Variants in SLC24A4 observed in about 807,000 individuals in gnomAD.
SLC24A4 encodes the protein sodium/potassium/calcium exchanger 4.
A neutral mutation model predicts 79.0 loss-of-function variants in SLC24A4; 53 were observed. The observed-to-expected ratio is 0.67, with a 90% CI of 0.54 to 0.84. The LOEUF is 0.84. Ranked by LOEUF, SLC24A4 falls within the 40% of genes least tolerant of loss-of-function variation. SLC24A4 has a pLI of 0.00. For missense variants in SLC24A4, 731 were observed against 822.0 expected (o/e 0.89, Z 1.35); for synonymous variants, 323 against 323.8 (o/e 1.00, Z 0.03).
rs371005554 is a variant in SLC24A4 at position 92,482,739 on chromosome 14, G to A, written c.1315G>A (p.Val439Ile). Residue 439 changes from valine to isoleucine, a missense_variant, in exon 13 of 17, where the codon GTC (valine) becomes ATC (isoleucine). Val to Ile is a conservative substitution (Grantham distance 29, BLOSUM62 3). Coordinates refer to ENST00000532405, the MANE Select transcript of SLC24A4 (RefSeq NM_153646.4). ...CTGGCCCCTCATCTTCCTCCTGTGC[G>A]TCACCATTCCCAACTGCAGCAAGCC... ...FTWPLIFLLC[V>I]TIPNCSKPRW... The A allele has an allele frequency of 4.2e-5, 68 of 1,614,084 alleles. No individual in the cohort carries two copies. The highest frequency in any genetic ancestry group is 5.5e-5 in the South Asian group (5 of 91,072).
At chr14:92,474,825 A>G (rs1390345166) in intron 12 of SLC24A4, among the ~76,000 whole-genome samples, 789 of 31,724 alleles carry the variant, frequency 0.025, 53 homozygotes, top group Admixed American at 0.16. Flanking sequence ...ATATATACAT[A>G]TATATGTGTG....
intron 2 of SLC24A4, among the ~76,000 whole-genome samples, chr14:92,366,384 C>G (rs900499093): frequency 6.6e-6 from 1 of 152,210 alleles, no homozygotes; most frequent in Non-Finnish European, 1.5e-5. Flanking sequence ...TTGGGATAAA[C>G]AGCTCTGGTC....
intron 2 of SLC24A4, among the ~76,000 whole-genome samples, chr14:92,364,162 T>C (rs1408421500): frequency 1.3e-5 from 2 of 152,270 alleles, no homozygotes; most frequent in African/African-American, 4.8e-5. Context: ...TTATCATTAT[T>C]AGTGTGTTGT....
chr14:92,342,909 T>C (rs895778280), intron 2 of SLC24A4, among the ~76,000 whole-genome samples: 2 of 152,212 alleles, frequency 1.3e-5, no homozygotes, highest in Admixed American at 1.3e-4. Flanking sequence ...GAGTGGGCCA[T>C]GAACAAGGGT....
At chr14:92,492,341 T>C (rs1895729107) in intron 16 of SLC24A4, 101 bp downstream of exon 16, 1 of 1,138,510 alleles carries the variant, frequency 8.8e-7, no homozygotes, top group African/African-American at 1.5e-5. Flanking sequence ...GTCACTTCCC[T>C]TGGTAGTGAA....
chr14:92,440,228 C>G (rs1408212573), intron 4 of SLC24A4, among the ~76,000 whole-genome samples: 2 of 152,146 alleles, frequency 1.3e-5, no homozygotes, highest in Admixed American at 1.3e-4. Flanking sequence ...GGTGACCTGG[C>G]AAACGTGTGC....
chr14:92,352,603 A>C (rs1325039668), intron 2 of SLC24A4, among the ~76,000 whole-genome samples: 1 of 152,118 alleles, frequency 6.6e-6, no homozygotes. Context: ...CATCCTCCTC[A>C]TTTTGCTGCT....
intron 3 of SLC24A4, among the ~76,000 whole-genome samples, chr14:92,436,428 A>G (rs1892172461): frequency 6.6e-6 from 1 of 150,582 alleles, no homozygotes; most frequent in African/African-American, 2.4e-5. Context: ...TATCACCCCC[A>G]TACCACCAAC....
intron 2 of SLC24A4, among the ~76,000 whole-genome samples, chr14:92,432,459 C>T (rs545522313): frequency 2.0e-5 from 3 of 152,310 alleles, no homozygotes; most frequent in African/African-American, 7.2e-5. Context: ...ATTTTCATGA[C>T]AGAAATGTCT....
At chr14:92,330,235 G>A (rs1174700898) in intron 2 of SLC24A4, among the ~76,000 whole-genome samples, 2 of 152,128 alleles carry the variant, frequency 1.3e-5, no homozygotes, top group Non-Finnish European at 2.9e-5. Flanking sequence ...CTTGGTAGGT[G>A]TTCAATAAAT....
At chr14:92,348,191 T>G (rs1002259260) in intron 2 of SLC24A4, among the ~76,000 whole-genome samples, 30 of 152,186 alleles carry the variant, frequency 2.0e-4, no homozygotes, top group African/African-American at 7.2e-4. Context: ...CTTCCTTAAA[T>G]CTCATTTCCC....
intron 11 of SLC24A4, 101 bp from the exon 12 acceptor site, chr14:92,456,303 G>A: frequency 8.4e-7 from 1 of 1,192,464 alleles, no homozygotes; most frequent in Non-Finnish European, 1.2e-6. Flanking sequence ...GTTGTTCTAG[G>A]CACCTGTAAG....
chr14:92,435,800 A>C (rs961178813), intron 3 of SLC24A4, among the ~76,000 whole-genome samples: 11 of 152,180 alleles, frequency 7.2e-5, no homozygotes, highest in African/African-American at 2.7e-4. Context: ...AGACCTGTTT[A>C]TTATTTCTAT....
chr14:92,395,848 CAG>C (rs1889744132), intron 2 of SLC24A4, among the ~76,000 whole-genome samples: 1 of 152,104 alleles, frequency 6.6e-6, no homozygotes, highest in Non-Finnish European at 1.5e-5. Flanking sequence ...ATTTTTGAGA[CAG>C]AGTCTTGCTT....
intron 12 of SLC24A4, among the ~76,000 whole-genome samples, chr14:92,464,100 A>G (rs1893964972): frequency 1.3e-5 from 2 of 152,354 alleles, no homozygotes; most frequent in South Asian, 4.1e-4. Flanking sequence ...GGGTTTTTTA[A>G]GAGACCAAAT....
chr14:92,333,492 C>T (rs1370959054), intron 2 of SLC24A4, among the ~76,000 whole-genome samples: 2 of 152,196 alleles, frequency 1.3e-5, no homozygotes, highest in South Asian at 2.1e-4. Context: ...AAAAGAAGGA[C>T]GGAGCGGGGC....
At chr14:92,373,949 T>A (rs375457761) in intron 2 of SLC24A4, among the ~76,000 whole-genome samples, 6 of 152,378 alleles carry the variant, frequency 3.9e-5, no homozygotes, top group East Asian at 3.9e-4. Context: ...CATATTATTA[T>A]TTTGAAGCAA....
At chr14:92,351,771 T>C (rs1185800642) in intron 2 of SLC24A4, among the ~76,000 whole-genome samples, 2 of 151,404 alleles carry the variant, frequency 1.3e-5, no homozygotes, top group African/African-American at 4.9e-5. Context: ...GGCTGAGGCA[T>C]GAGAATTGCT....
At chr14:92,324,762 A>AT (rs1452537810) in intron 1 of SLC24A4, among the ~76,000 whole-genome samples, 6 of 152,138 alleles carry the variant, frequency 3.9e-5, no homozygotes, top group African/African-American at 1.4e-4. Context: ...TAATTTCATT[A>AT]TTTTTTTAAA....
Sources: allele counts gnomAD v4.1 joint callset (sites outside exome capture counted in the v4.1 genomes callset), GRCh38; gene constraint gnomAD v4.1.1; transcripts MANE v1.5; gene names NCBI Gene and HGNC (gene_info 2026-07-23, HGNC 2026-07-21).